SEMA5A: variants seen among roughly 807,000 people sequenced by gnomAD.
SEMA5A encodes semaphorin-5A.
SEMA5A carries 55 observed loss-of-function variants against 135.5 expected under a neutral mutation model. The ratio of observed to expected loss-of-function variants is 0.41; its 90% CI spans 0.33 to 0.51. SEMA5A has a LOEUF of 0.51. Among genes scored for constraint, SEMA5A ranks in the 20% least tolerant of loss-of-function variants. The pLI, the probability that SEMA5A is intolerant of heterozygous loss-of-function variation, is 0.37. For missense variants in SEMA5A, 1,290 were observed against 1,419.9 expected, an observed-to-expected ratio of 0.91 and a Z score of 1.47; for synonymous variants, 580 against 546.5, an observed-to-expected ratio of 1.06 and a Z score of -0.85.
intron 6 of SEMA5A, among the ~76,000 whole-genome samples, chr5:9,231,075 C>A (rs1036792913): frequency 2.0e-5 from 3 of 151,780 alleles, no homozygotes; most frequent in Non-Finnish European, 4.4e-5. Context: ...TCAACTGAAA[C>A]AGAATGTGAA....
intron 16 of SEMA5A, among the ~76,000 whole-genome samples, chr5:9,082,554 C>A (rs1186310235): frequency 6.6e-6 from 1 of 152,194 alleles, no homozygotes; most frequent in Non-Finnish European, 1.5e-5. Context: ...CCAAGGTCTG[C>A]CCAGGGGTTC....
In SEMA5A at chr5:9,347,636, T is replaced by C. The variant is rs557372312; in HGVS notation, c.125-9824A>G. Among the ~76,000 whole-genome samples the C allele has an allele frequency of 4.4e-4, 67 of 152,118 alleles. 1 individual carries two copies. The highest frequency in any genetic ancestry group is 1.0e-3 in the South Asian group (5 of 4,818). On this transcript the variant is annotated intron_variant, in intron 3 of 22. Transcript: ENST00000382496. ...GCATTAAATACTAACCACCAACCTGTGATTGTAGGAAAAAATGCGTGCACT... is the reference window on the plus strand; with the variant it reads ...GCATTAAATACTAACCACCAACCTGCGATTGTAGGAAAAAATGCGTGCACT...
chr5:9,393,331 C>T (rs1579466710), intron 2 of SEMA5A, among the ~76,000 whole-genome samples: 1 of 152,126 alleles, frequency 6.6e-6, no homozygotes, highest in African/African-American at 2.4e-5. Flanking sequence ...TGCTGGATGC[C>T]TGACTGTCTC....
Position 9,435,162 on chromosome 5 carries a change from C to T in SEMA5A, c.-78+2594G>A, listed in dbSNP as rs527479878. On this transcript the variant is annotated intron_variant, in intron 2 of 22. Coordinates refer to ENST00000382496, the MANE Select transcript of SEMA5A (RefSeq NM_003966.3). ...TTGCTCATAATAAAAGAGGGATATT[C>T]GAGACCAGACCAGAACATTCTTGTT... 8.5e-5 allele frequency among the ~76,000 whole-genome samples: 13 copies of T among 152,162 alleles called. No individual in the cohort carries two copies. The South Asian group carries it at 1.7e-3, about 19-fold the overall frequency.
chr5:9,479,677 G>A (rs188726846), intron 1 of SEMA5A, among the ~76,000 whole-genome samples: 37 of 152,244 alleles, frequency 2.4e-4, no homozygotes, highest in African/African-American at 8.4e-4. Context: ...ATCTTCTTCG[G>A]GTATTAATTC....
rs140944364 is a variant in SEMA5A at position 9,383,078 on chromosome 5, C to T, written c.-77-3055G>A. ...CCAGCCCACAATCCCTGCCCAAGCA[C>T]AGAGCACTGTAATGGACAATGGATG... On this transcript the variant is annotated intron_variant, in intron 2 of 22. Coordinates refer to ENST00000382496, the MANE Select transcript of SEMA5A (RefSeq NM_003966.3). Among the ~76,000 whole-genome samples the T allele has an allele frequency of 2.3e-3, 344 of 152,326 alleles. 1 individual carries two copies. Among genetic ancestry groups the T allele is most frequent in the African/African-American group, 7.9e-3 (330 of 41,570 alleles).
chr5:9,265,113 C>G (rs1749615282), intron 5 of SEMA5A, among the ~76,000 whole-genome samples: 1 of 152,118 alleles, frequency 6.6e-6, no homozygotes, highest in South Asian at 2.1e-4. Context: ...AGTGAATGGT[C>G]TGTTGTGGAT....
chr5:9,309,427 G>A (rs1303268689), intron 5 of SEMA5A, among the ~76,000 whole-genome samples: 1 of 152,084 alleles, frequency 6.6e-6, no homozygotes, highest in East Asian at 1.9e-4. Flanking sequence ...ATCCCAACCT[G>A]CCTTGTGATT....
intron 5 of SEMA5A, among the ~76,000 whole-genome samples, chr5:9,315,397 C>T (rs1196423332): frequency 6.6e-6 from 1 of 152,120 alleles, no homozygotes; most frequent in African/African-American, 2.4e-5. Context: ...TCAAAATCAA[C>T]AAATTAATAT....
At chr5:9,141,422 A>T (rs1305378911) in intron 12 of SEMA5A, among the ~76,000 whole-genome samples, 1 of 152,232 alleles carries the variant, frequency 6.6e-6, no homozygotes, top group Non-Finnish European at 1.5e-5. Context: ...TATTCTGTTC[A>T]AATATAATTA....
intron 12 of SEMA5A, among the ~76,000 whole-genome samples, chr5:9,145,250 C>T (rs1469417274): frequency 1.3e-5 from 2 of 152,122 alleles, no homozygotes; most frequent in East Asian, 3.9e-4. Context: ...TACCAGCCCC[C>T]TAACATAGCC....
chr5:9,413,271 T>C (rs558513491), intron 2 of SEMA5A, among the ~76,000 whole-genome samples: 1 of 152,134 alleles, frequency 6.6e-6, no homozygotes, highest in Non-Finnish European at 1.5e-5. Flanking sequence ...ACAGGCCACT[T>C]ATGACAGCAA....
At chr5:9,365,106 A>G (rs923824813) in intron 3 of SEMA5A, among the ~76,000 whole-genome samples, 1 of 152,224 alleles carries the variant, frequency 6.6e-6, no homozygotes, top group Admixed American at 6.5e-5. Flanking sequence ...AAGGATACCC[A>G]TTTCTGTGGG....
chr5:9,149,260 A>G (rs536635940), intron 12 of SEMA5A, among the ~76,000 whole-genome samples: 16 of 152,318 alleles, frequency 1.1e-4, no homozygotes, highest in African/African-American at 3.4e-4. Flanking sequence ...ACATCTGTGC[A>G]GCCTACAAGT....
chr5:9,089,305 G>A (rs1207560676), intron 16 of SEMA5A, among the ~76,000 whole-genome samples: 1 of 152,124 alleles, frequency 6.6e-6, no homozygotes, highest in Non-Finnish European at 1.5e-5. Flanking sequence ...GTTCAATGGT[G>A]TTCAAAATCT....
At chr5:9,104,633 T>C (rs1353508593) in intron 16 of SEMA5A, among the ~76,000 whole-genome samples, 1 of 152,224 alleles carries the variant, frequency 6.6e-6, no homozygotes, top group Non-Finnish European at 1.5e-5. Flanking sequence ...CAAGTGTTCA[T>C]GCTTCATATT....
At position 9,066,575 on chromosome 5, in the gene SEMA5A, AGGTGTCCAG is replaced by A. The variant is rs1232328053; in HGVS notation, c.2136_2144del (p.Trp713_Pro715del). 6.2e-7 allele frequency: 1 copy of A among 1,614,206 alleles called. No individual in the cohort carries two copies. Among genetic ancestry groups the A allele is most frequent in the South Asian group, 1.1e-5 (1 of 91,080 alleles). On this transcript the variant is annotated inframe_deletion, in exon 17 of 23. Coordinates refer to ENST00000382496, the MANE Select transcript of SEMA5A (RefSeq NM_003966.3). ...GGCCGCCGTTGTCAGAGATGTTGACAGGTGTCCAGGGTGTCCAGGGCGTGGTCTTCTTCA... is the reference window on the plus strand; with the variant it reads ...GGCCGCCGTTGTCAGAGATGTTGACAGGTGTCCAGGGCGTGGTCTTCTTCA...
chr5:9,176,258 G>C (rs115090184), intron 11 of SEMA5A, among the ~76,000 whole-genome samples: 2,916 of 152,256 alleles, frequency 0.019, 102 homozygotes, highest in African/African-American at 0.067. Context: ...AAGGGTATGG[G>C]TGGAAAGCTG....
rs746357982 is a variant in SEMA5A at position 9,190,289 on chromosome 5, G to T, written c.1251C>A (p.Val417=). ...VDVVQGREAL[V]HIIYLATDYG... Reference sequence around the variant, plus strand: ...TACCTGTGGCCAAATAGATGATGTGGACGAGCGCTTCTCTGCCCTGCACCA... The same window carrying T: ...TACCTGTGGCCAAATAGATGATGTGTACGAGCGCTTCTCTGCCCTGCACCA... The change falls in exon 11 of 23, where the codon GTC becomes GTA. Residue 417 remains valine (V), a synonymous_variant. Transcript: ENST00000382496. 1 of 1,614,092 alleles carries T rather than the reference G, an allele frequency of 6.2e-7. No homozygotes were observed.
Sources: allele counts gnomAD v4.1 joint callset (sites outside exome capture counted in the v4.1 genomes callset), GRCh38; gene constraint gnomAD v4.1.1; transcripts MANE v1.5; gene names NCBI Gene and HGNC (gene_info 2026-07-23, HGNC 2026-07-21).